The following LNPEP variants were observed in gnomAD, a reference collection of about 807,000 sequenced individuals.
LNPEP encodes leucyl-cystinyl aminopeptidase.
In LNPEP, 64 loss-of-function variants were observed where a neutral mutation model predicts 120.6. That is an observed-to-expected ratio of 0.53 (90% CI 0.43 to 0.65). LNPEP has a LOEUF of 0.65. Among genes scored for constraint, LNPEP ranks in the 30% least tolerant of loss-of-function variants. LNPEP has a pLI of 0.00. For missense variants in LNPEP, 1,057 were observed against 1,200.0 expected (o/e 0.88, Z 1.76); for synonymous variants, 435 against 425.4 (o/e 1.02, Z -0.28).
At chr5:96,960,618 C>T (rs1252924318) in intron 1 of LNPEP, among the ~76,000 whole-genome samples, 1 of 152,122 alleles carries the variant, frequency 6.6e-6, no homozygotes, top group Non-Finnish European at 1.5e-5. Context: ...GACCATAAAT[C>T]TCTTCAGACT....
At chr5:97,017,485 G>T (rs985414786) in intron 13 of LNPEP, among the ~76,000 whole-genome samples, 2 of 151,628 alleles carry the variant, frequency 1.3e-5, no homozygotes, top group Non-Finnish European at 2.9e-5. Context: ...ATGTAATCTA[G>T]CTTATGAAAT....
At position 97,035,012 on chromosome 5, in the gene LNPEP, T is replaced by A. The variant is rs1226700100; in HGVS notation, c.*6479T>A. 6.6e-6 allele frequency: 1 copy of A among 152,112 alleles called. No homozygotes were observed. Among genetic ancestry groups the A allele is most frequent in the East Asian group, 1.9e-4 (1 of 5,200 alleles). 9.4% of individuals were successfully genotyped at this position (152,112 alleles called of 1,614,324 possible). A position where few individuals can be genotyped will look rare whatever the true frequency, so the allele number is the denominator to read the frequency against. On this transcript the variant is annotated 3_prime_UTR_variant, in exon 18 of 18. Coordinates refer to ENST00000231368, the MANE Select transcript of LNPEP (RefSeq NM_005575.3). ...ATATAAATATTTGCTACATTCTGTG[T>A]GTTATATAATGTGGTACCCAGTCCT...
intron 1 of LNPEP, among the ~76,000 whole-genome samples, chr5:96,968,696 T>C (rs1348508871): frequency 1.3e-5 from 2 of 151,984 alleles, no homozygotes; most frequent in Non-Finnish European, 2.9e-5. Context: ...AAAGATTACA[T>C]TGGACCGGTA....
At chr5:97,008,344 T>TTTTTTTTTTTTTTTTTTTG (rs1790840910) in intron 11 of LNPEP, among the ~76,000 whole-genome samples, 1 of 26,312 alleles carries the variant, frequency 3.8e-5, no homozygotes. Context: ...CTTGTTTTTT[T>TTTTTTTTTTTTTTTTTTTG]TTTTTTTTTT....
intron 4 of LNPEP, among the ~76,000 whole-genome samples, chr5:96,989,104 T>C (rs1199982877): frequency 6.6e-6 from 1 of 151,274 alleles, no homozygotes; most frequent in Non-Finnish European, 1.5e-5. Context: ...TTTATTCCTG[T>C]ATTAGGAAAC....
intron 1 of LNPEP, among the ~76,000 whole-genome samples, chr5:96,939,755 A>C (rs1789009531): frequency 1.3e-5 from 2 of 152,166 alleles, no homozygotes; most frequent in African/African-American, 4.8e-5. Flanking sequence ...TTTCAACTTC[A>C]AAAATGGGAA....
In LNPEP at chr5:97,003,503, A is replaced by C. The variant is rs200018527; in HGVS notation, c.1742A>C (p.Tyr581Ser). 1 of 1,608,562 alleles carries C rather than the reference A, an allele frequency of 6.2e-7. No individual in the cohort carries two copies. The change falls in exon 9 of 18, where the codon TAT becomes TCT. Residue 581 changes from tyrosine to serine, a missense_variant. By Grantham distance (144) the Tyr-to-Ser change is moderately radical. Coordinates refer to ENST00000231368, the MANE Select transcript of LNPEP (RefSeq NM_005575.3). ...GTCCTTTACCTGCATAATCACAGCTATGCATCTATTCAAAGTGATGATCTG... is the reference window on the plus strand; with the variant it reads ...GTCCTTTACCTGCATAATCACAGCTCTGCATCTATTCAAAGTGATGATCTG... ...AVVLYLHNHS[Y>S]ASIQSDDLWD...
chr5:97,014,817 C>A, intron 12 of LNPEP, 122 bp from the exon 13 acceptor site: 1 of 523,808 alleles, frequency 1.9e-6, no homozygotes, highest in Non-Finnish European at 3.1e-6. Context: ...CAAAATGCCA[C>A]TGTAAGTTTA....
intron 1 of LNPEP, among the ~76,000 whole-genome samples, chr5:96,948,144 G>C (rs546515778): frequency 6.7e-6 from 1 of 149,870 alleles, no homozygotes; most frequent in African/African-American, 2.5e-5. Flanking sequence ...TTGAGATGGA[G>C]TCTTGCTCTG....
At chr5:97,010,573 G>A (rs568374933) in intron 11 of LNPEP, 18 of 984,734 alleles carry the variant, frequency 1.8e-5, no homozygotes, top group South Asian at 4.7e-5. Flanking sequence ...TAGTAAAAAC[G>A]GGTTTTTTAG....
intron 1 of LNPEP, among the ~76,000 whole-genome samples, chr5:96,975,951 T>C (rs1300011699): frequency 6.6e-6 from 1 of 152,160 alleles, no homozygotes; most frequent in Admixed American, 6.6e-5. Context: ...AACATTTCAG[T>C]AGAAGGTTCT....
intron 4 of LNPEP, among the ~76,000 whole-genome samples, chr5:96,992,308 T>A (rs756350861): frequency 7.9e-5 from 12 of 152,100 alleles, no homozygotes; most frequent in Non-Finnish European, 1.6e-4. Flanking sequence ...GTACAACTCA[T>A]AAAACAAGTG....
chr5:96,937,102 C>T (rs1788919627), intron 1 of LNPEP: 1 of 152,204 alleles, frequency 6.6e-6, no homozygotes, highest in Non-Finnish European at 1.5e-5. Context: ...GGAGACGACT[C>T]ACTAAAAGAG....
At chr5:96,976,271 G>C (rs1360469766) in intron 1 of LNPEP, among the ~76,000 whole-genome samples, 3 of 151,894 alleles carry the variant, frequency 2.0e-5, no homozygotes, top group Non-Finnish European at 4.4e-5. Context: ...CTTCTATATT[G>C]CACAGTGAAA....
At chr5:96,951,648 T>C (rs1483637350) in intron 1 of LNPEP, among the ~76,000 whole-genome samples, 1 of 152,214 alleles carries the variant, frequency 6.6e-6, no homozygotes, top group Admixed American at 6.5e-5. Flanking sequence ...CTTTAGACAG[T>C]TTCTTTCTGT....
chr5:96,983,485 G>A lies in LNPEP; in HGVS notation c.861-1595G>A, dbSNP rs151296817. Among the ~76,000 whole-genome samples, 706 of 151,948 alleles carry A rather than the reference G, an allele frequency of 4.6e-3. 4 individuals are homozygous for A. Among genetic ancestry groups the A allele is most frequent in the African/African-American group, 0.016 (678 of 41,422 alleles). On this transcript the variant is annotated intron_variant, in intron 2 of 17. Transcript: ENST00000231368. ...CCTTGAGACAGCATCTTGCTCTGTC[G>A]CCCAGGTTGGAGTGCAGTGGTGCAA...
Position 97,022,500 on chromosome 5 carries a change from A to G in LNPEP, c.2561+16A>G, listed in dbSNP as rs372847505. The G allele has an allele frequency of 1.6e-5, 25 of 1,584,364 alleles. No homozygotes were observed. In the African/African-American group the frequency reaches 3.2e-4, roughly 20 times the overall value. ...GAACTCAAAGGTGAAGTATACCTCT[A>G]CTCAGATGAATTATCTTCTTTTTCT... On this transcript the variant is annotated intron_variant, in intron 14 of 17. Transcript: ENST00000231368.
chr5:96,957,099 T>C (rs572766149), intron 1 of LNPEP, among the ~76,000 whole-genome samples: 4 of 152,380 alleles, frequency 2.6e-5, no homozygotes, highest in South Asian at 4.1e-4. Flanking sequence ...AAGTATTCAA[T>C]AATTCCATCA....
intron 13 of LNPEP, among the ~76,000 whole-genome samples, chr5:97,021,937 T>G (rs1345580380): frequency 2.9e-5 from 4 of 139,184 alleles, no homozygotes; most frequent in East Asian, 2.0e-4. Context: ...TTTTTTTTTT[T>G]TTTTTTTTTT....
Sources: allele counts gnomAD v4.1 joint callset (sites outside exome capture counted in the v4.1 genomes callset), GRCh38; gene constraint gnomAD v4.1.1; transcripts MANE v1.5; gene names NCBI Gene and HGNC (gene_info 2026-07-23, HGNC 2026-07-21).